DAB1: variants seen among roughly 807,000 people sequenced by gnomAD.
DAB1 encodes the protein disabled homolog 1.
Under a neutral mutation model 64.6 loss-of-function variants are expected in DAB1, and 15 were observed. That is an observed-to-expected ratio of 0.23 (90% confidence interval 0.16 to 0.36). DAB1 has a LOEUF of 0.36. Ranked by LOEUF, DAB1 falls within the 10% of genes least tolerant of loss-of-function variation. The pLI, the probability that DAB1 is intolerant of heterozygous loss-of-function variation, is 1.00. For synonymous variants in DAB1, 235 were observed against 251.9 expected, an observed-to-expected ratio of 0.93 and a Z score of 0.64; for missense variants, 596 against 706.7, an observed-to-expected ratio of 0.84 and a Z score of 1.78.
chr1:57,198,213 C>T (rs747027539), intron 2 of DAB1, among the ~76,000 whole-genome samples: 4 of 152,102 alleles, frequency 2.6e-5, no homozygotes, highest in Non-Finnish European at 2.9e-5. Context: ...TTAACATCTC[C>T]CTCCCTCCCT....
chr1:57,061,150 T>G (rs1045620247), intron 9 of DAB1, among the ~76,000 whole-genome samples: 1 of 150,422 alleles, frequency 6.6e-6, no homozygotes, highest in Non-Finnish European at 1.5e-5. Context: ...TAGACTTGGG[T>G]TTTTGAAAAC....
intron 5 of DAB1, among the ~76,000 whole-genome samples, chr1:57,988,025 T>A (rs781549907): frequency 6.6e-6 from 1 of 152,090 alleles, no homozygotes; most frequent in African/African-American, 2.4e-5. Context: ...AACTGACAAT[T>A]GGGTTGTCCC....
At chr1:57,446,436 A>G (rs1686139844) in intron 7 of DAB1, among the ~76,000 whole-genome samples, 2 of 152,000 alleles carry the variant, frequency 1.3e-5, no homozygotes, top group South Asian at 4.2e-4. Context: ...CATCTCTACT[A>G]AAAATAAAAA....
chr1:57,026,168 T>C (rs1317540736), intron 9 of DAB1, 125 bp from the exon 10 acceptor site: 1 of 685,890 alleles, frequency 1.5e-6, no homozygotes, highest in African/African-American at 1.9e-5. Flanking sequence ...TAAACCGTAA[T>C]CCTGATGGGT....
At position 57,919,245 on chromosome 1, in the gene DAB1, C is replaced by G. The variant is rs529784507; in HGVS notation, n.388-35083G>C. Among the ~76,000 whole-genome samples, 22 of 152,300 alleles carry G rather than the reference C, an allele frequency of 1.4e-4. No homozygotes were observed. In the South Asian group the frequency reaches 2.9e-3, roughly 20 times the overall value. On this transcript the variant is annotated intron_variant and non_coding_transcript_variant, in intron 5 of 20. Coordinates refer to the DAB1 transcript ENST00000485760. ...AATACACCTAACACAGATAGACACT[C>G]AAAAACTGGCAGTTCCTTTTTTATC... is the stretch of plus-strand genomic sequence containing the variant.
At chr1:57,468,945 C>A (rs991119992) in intron 7 of DAB1, among the ~76,000 whole-genome samples, 1 of 152,182 alleles carries the variant, frequency 6.6e-6, no homozygotes, top group Non-Finnish European at 1.5e-5. Flanking sequence ...GTCTCCTGCT[C>A]CTGCAGGGGG....
intron 9 of DAB1, among the ~76,000 whole-genome samples, chr1:57,026,728 C>T (rs1646801756): frequency 6.6e-6 from 1 of 152,160 alleles, no homozygotes; most frequent in African/African-American, 2.4e-5. Flanking sequence ...CCAGTGTATA[C>T]ACCATTAATC....
intron 2 of DAB1, among the ~76,000 whole-genome samples, chr1:57,182,025 A>G (rs916634504): frequency 2.0e-5 from 3 of 152,138 alleles, no homozygotes; most frequent in Non-Finnish European, 4.4e-5. Context: ...AGCTGGGACT[A>G]CAGGTGCATG....
intron 4 of DAB1, among the ~76,000 whole-genome samples, chr1:58,286,167 G>T (rs1661676230): frequency 6.6e-6 from 1 of 152,104 alleles, no homozygotes; most frequent in African/African-American, 2.4e-5. Context: ...AAATTAACTT[G>T]AGATGGATTA....
intron 3 of DAB1, among the ~76,000 whole-genome samples, chr1:58,480,267 C>T (rs1312401824): frequency 6.6e-6 from 1 of 152,046 alleles, no homozygotes; most frequent in Non-Finnish European, 1.5e-5. Flanking sequence ...TCTCTGGGAA[C>T]CCGAGATTCC....
At chr1:57,746,093 C>G (rs945380285) in intron 6 of DAB1, among the ~76,000 whole-genome samples, 6 of 152,130 alleles carry the variant, frequency 3.9e-5, no homozygotes, top group Non-Finnish European at 7.4e-5. Flanking sequence ...AATTGATGAA[C>G]ATACAGGTGG....
At chr1:58,487,297 C>T (rs1645592536) in intron 3 of DAB1, among the ~76,000 whole-genome samples, 1 of 152,182 alleles carries the variant, frequency 6.6e-6, no homozygotes, top group African/African-American at 2.4e-5. Context: ...TAAATTTCCT[C>T]TTCTGTTTTA....
chr1:58,538,614 G>C (rs751418534), intron 1 of DAB1, among the ~76,000 whole-genome samples: 1 of 152,122 alleles, frequency 6.6e-6, no homozygotes, highest in Non-Finnish European at 1.5e-5. Context: ...AAATTGGGCA[G>C]GACCTACTGT....
downstream of DAB1, among the ~76,000 whole-genome samples, chr1:57,821,625 T>C (rs1006493246): frequency 2.0e-5 from 3 of 152,208 alleles, no homozygotes; most frequent in Non-Finnish European, 2.9e-5. Context: ...GGATATTATA[T>C]TGAGTAAGAG....
At chr1:57,446,074 A>G (rs1038414633) in intron 7 of DAB1, among the ~76,000 whole-genome samples, 1 of 152,196 alleles carries the variant, frequency 6.6e-6, no homozygotes, top group Non-Finnish European at 1.5e-5. Context: ...TAACTTGACC[A>G]GTTTGTCACT....
chr1:57,007,928 T>C (rs1282093644), intron 14 of DAB1, among the ~76,000 whole-genome samples: 3 of 152,216 alleles, frequency 2.0e-5, no homozygotes, highest in Non-Finnish European at 4.4e-5. Flanking sequence ...AAATGTGTCT[T>C]GTGCTGCTGT....
chr1:58,488,941 T>G (rs941654770), intron 3 of DAB1, among the ~76,000 whole-genome samples: 3 of 152,248 alleles, frequency 2.0e-5, no homozygotes, highest in African/African-American at 7.2e-5. Context: ...GAAAGATGTG[T>G]ACTTGAAAAT....
chr1:57,401,932 T>C (rs1683274309), intron 1 of DAB1, among the ~76,000 whole-genome samples: 1 of 152,202 alleles, frequency 6.6e-6, no homozygotes, highest in South Asian at 2.1e-4. Flanking sequence ...AACCTCTCTA[T>C]GATTCCAGCT....
rs183523438 is a variant in DAB1 at position 57,184,180 on chromosome 1, T to C, written c.68-38751A>G. Reference sequence around the variant, plus strand: ...CACCCTGTTAACAGGAGGGTCTTGGTACTAAAGAAGCTAGTACCCTCCACA... The same window carrying C: ...CACCCTGTTAACAGGAGGGTCTTGGCACTAAAGAAGCTAGTACCCTCCACA... On this transcript the variant is annotated intron_variant, in intron 2 of 14. Transcript: ENST00000371236. Among the ~76,000 whole-genome samples, 404 of 152,316 alleles carry C rather than the reference T, an allele frequency of 2.7e-3. 4 individuals carry two copies. Among genetic ancestry groups the C allele is most frequent in the African/African-American group, 9.4e-3 (389 of 41,566 alleles).
Sources: allele counts gnomAD v4.1 joint callset (sites outside exome capture counted in the v4.1 genomes callset), GRCh38; gene constraint gnomAD v4.1.1; transcripts MANE v1.5; gene names NCBI Gene and HGNC (gene_info 2026-07-23, HGNC 2026-07-21).